The following XG variants were observed in gnomAD, a reference collection of about 807,000 sequenced individuals.
XG encodes glycoprotein Xg.
In XG, 24 loss-of-function variants were observed where a neutral mutation model predicts 25.7. The ratio of observed to expected loss-of-function variants is 0.93; its 90% CI spans 0.68 to 1.31. The LOEUF (loss-of-function observed/expected upper bound fraction) is 1.31. Ranked by LOEUF, XG falls within the 40% of genes most tolerant of loss-of-function variation. XG has a pLI of 0.00. For missense variants in XG, 181 were observed against 187.6 expected, an observed-to-expected ratio of 0.96 and a Z score of 0.21; for synonymous variants, 77 against 69.2, an observed-to-expected ratio of 1.11 and a Z score of -0.56.
chrX:2,802,266 C>T (rs913202207), intron 7 of XG, among the ~76,000 whole-genome samples: 5 of 110,642 alleles, frequency 4.5e-5, no homozygotes, highest in African/African-American at 6.6e-5. Context: ...GCGATCCTCC[C>T]GCCTCAGCCT....
In XG at chrX:2,814,458, C is replaced by G. The variant is rs2087086854; in HGVS notation, c.*78C>G. On this transcript the variant is annotated 3_prime_UTR_variant, in exon 11 of 11. Coordinates refer to ENST00000644266, the MANE Select transcript of XG (RefSeq NM_001141919.2). Reference sequence around the variant, plus strand: ...TGTTTATCACTGTTGTGGAGATTTCCTTTTATTCTTGACACAATTTGATGA... The same window carrying G: ...TGTTTATCACTGTTGTGGAGATTTCGTTTTATTCTTGACACAATTTGATGA... 2.7e-6 allele frequency: 3 copies of G among 1,122,459 alleles called. No homozygotes were observed. The Admixed American group carries it at 8.0e-5, about 30-fold the overall frequency. The allele number at this position is 1,122,459 out of a possible 1,213,427, so 92.5% of individuals were successfully genotyped here. A position where few individuals can be genotyped will look rare whatever the true frequency, so the allele number is the denominator to read the frequency against.
At chrX:2,796,226 T>C (rs915117341) in intron 6 of XG, among the ~76,000 whole-genome samples, 29 of 107,090 alleles carry the variant, frequency 2.7e-4, no homozygotes, top group African/African-American at 7.7e-4. Flanking sequence ...AATATATTTA[T>C]ATATCTATAC....
At chrX:2,800,684 G>C (rs2147083244) in intron 7 of XG, among the ~76,000 whole-genome samples, 1 of 111,530 alleles carries the variant, frequency 9.0e-6, no homozygotes, top group African/African-American at 3.3e-5. Context: ...TCATTACCTG[G>C]GGTCAAGAAC....
intron 1 of XG, among the ~76,000 whole-genome samples, chrX:2,763,775 A>C (rs753342528): frequency 6.3e-4 from 96 of 152,254 alleles, no homozygotes; most frequent in Middle Eastern, 3.4e-3. Context: ...TTGAGGCATC[A>C]AGGAGGTTGC....
intron 6 of XG, among the ~76,000 whole-genome samples, chrX:2,795,804 C>G (rs1457628759): frequency 1.8e-5 from 2 of 110,145 alleles, no homozygotes; most frequent in African/African-American, 6.6e-5. Flanking sequence ...ATTACAGGCG[C>G]CTGCCAGCAC....
chrX:2,757,447 C>G (rs1388198128), intron 1 of XG, among the ~76,000 whole-genome samples: 3 of 151,372 alleles, frequency 2.0e-5, no homozygotes, highest in Non-Finnish European at 4.4e-5. Context: ...GGCCTCCTGT[C>G]CGTATCAACA....
chrX:2,766,386 T>A (rs1292692260), intron 1 of XG, among the ~76,000 whole-genome samples: 1 of 151,194 alleles, frequency 6.6e-6, no homozygotes. Flanking sequence ...TGATCTGCCC[T>A]CCTCGGCCTC....
At chrX:2,807,028 G>A (rs1018705034) in intron 8 of XG, among the ~76,000 whole-genome samples, 7 of 112,724 alleles carry the variant, frequency 6.2e-5, no homozygotes, top group East Asian at 2.8e-4. Context: ...TCACACACAG[G>A]TATGCTTGTG....
intron 1 of XG, among the ~76,000 whole-genome samples, chrX:2,758,446 C>T (rs1191860180): frequency 3.9e-5 from 6 of 152,302 alleles, no homozygotes; most frequent in East Asian, 1.9e-4. Flanking sequence ...ATGATGACTC[C>T]GTGTGCAACC....
chrX:2,766,595 T>C (rs1315710174), intron 1 of XG, among the ~76,000 whole-genome samples: 1 of 145,294 alleles, frequency 6.9e-6, no homozygotes, highest in Non-Finnish European at 1.5e-5. Flanking sequence ...GACAGATTCT[T>C]GCTCTGTCAC....
intron 1 of XG, among the ~76,000 whole-genome samples, chrX:2,759,113 A>T (rs311118): frequency 0.89 from 135,382 of 152,058 alleles, 60,576 homozygotes; most frequent in Non-Finnish European, 0.92. Context: ...TCTGCTACCC[A>T]GGGATAATTG....
At chrX:2,778,768 T>A (rs921321380) in intron 3 of XG, among the ~76,000 whole-genome samples, 2 of 150,754 alleles carry the variant, frequency 1.3e-5, no homozygotes, top group African/African-American at 4.9e-5. Context: ...CTCAACCTCA[T>A]GCGATACTTT....
At chrX:2,779,301 A>C (rs2051068791) in intron 3 of XG, among the ~76,000 whole-genome samples, 2 of 146,876 alleles carry the variant, frequency 1.4e-5, no homozygotes, top group Admixed American at 1.4e-4. Flanking sequence ...CTGCCATTGC[A>C]CTCCAGCTGA....
chrX:2,778,633 C>A (rs1378472264), intron 3 of XG, among the ~76,000 whole-genome samples: 1 of 152,178 alleles, frequency 6.6e-6, no homozygotes, highest in Non-Finnish European at 1.5e-5. Flanking sequence ...GGGTTTGAAA[C>A]AGACTGAATT....
rs766521767 is a variant in XG at position 2,810,111 on chromosome X, G to A, written c.455-1225G>A. 7.2e-3 allele frequency among the ~76,000 whole-genome samples: 806 copies of A among 111,593 alleles called. 4 individuals are homozygous for A. The highest frequency in any genetic ancestry group is 0.015 in the South Asian group (39 of 2,643). Reference sequence around the variant, plus strand: ...CATCAGCCGTAGAGCAGGTTCTTGCGTTCAGTGACAACACTCTTCCCCCCA... The same window carrying A: ...CATCAGCCGTAGAGCAGGTTCTTGCATTCAGTGACAACACTCTTCCCCCCA... On this transcript the variant is annotated intron_variant, in intron 9 of 10. Coordinates refer to ENST00000644266, the MANE Select transcript of XG (RefSeq NM_001141919.2).
intron 1 of XG, among the ~76,000 whole-genome samples, chrX:2,758,613 C>T (rs2050488684): frequency 1.3e-5 from 2 of 152,242 alleles, no homozygotes; most frequent in South Asian, 4.1e-4. Flanking sequence ...AACCAGGGAT[C>T]ATGTTTATCC....
At chrX:2,768,859 G>A (rs1235544232) in intron 1 of XG, among the ~76,000 whole-genome samples, 2 of 152,196 alleles carry the variant, frequency 1.3e-5, no homozygotes, top group African/African-American at 4.8e-5. Context: ...TCTTAAAGGC[G>A]AGCCTGTAGT....
At chrX:2,807,794 G>T (rs1285167040) in intron 8 of XG, among the ~76,000 whole-genome samples, 2 of 112,247 alleles carry the variant, frequency 1.8e-5, no homozygotes, top group Admixed American at 1.9e-4. Flanking sequence ...ATGTGTGTAT[G>T]CATGTGCACA....
intron 1 of XG, among the ~76,000 whole-genome samples, chrX:2,759,576 A>G (rs1407935195): frequency 6.6e-6 from 1 of 152,200 alleles, no homozygotes; most frequent in Non-Finnish European, 1.5e-5. Flanking sequence ...TTCTTGGAGT[A>G]GGAAGGGGCT....
Sources: allele counts gnomAD v4.1 joint callset (sites outside exome capture counted in the v4.1 genomes callset), GRCh38; gene constraint gnomAD v4.1.1; transcripts MANE v1.5; gene names NCBI Gene and HGNC (gene_info 2026-07-23, HGNC 2026-07-21).